CNTNAP5: variants seen among roughly 807,000 people sequenced by gnomAD.
CNTNAP5 encodes contactin-associated protein-like 5.
CNTNAP5 carries 72 observed loss-of-function variants against 150.2 expected under a neutral mutation model. The observed-to-expected ratio is 0.48, with a 90% CI of 0.40 to 0.58. CNTNAP5 has a LOEUF of 0.58. Ranked by LOEUF, CNTNAP5 falls within the 20% of genes least tolerant of loss-of-function variation. The pLI is 0.00. For synonymous variants in CNTNAP5, 672 were observed against 619.8 expected, an observed-to-expected ratio of 1.08 and a Z score of -1.25; for missense variants, 1,636 against 1,626.2, an observed-to-expected ratio of 1.01 and a Z score of -0.10.
chr2:124,807,945 C>T (rs1254468641), intron 19 of CNTNAP5, among the ~76,000 whole-genome samples: 2 of 152,158 alleles, frequency 1.3e-5, no homozygotes, highest in African/African-American at 4.8e-5. Context: ...CACAGATCTC[C>T]TGATATTTAG....
chr2:124,832,141 G>A (rs1405867308), intron 19 of CNTNAP5, among the ~76,000 whole-genome samples: 1 of 152,036 alleles, frequency 6.6e-6, no homozygotes, highest in African/African-American at 2.4e-5. Flanking sequence ...ATATAGAACT[G>A]TCTCTTCAGT....
chr2:124,436,515 G>A (rs1015011420), intron 5 of CNTNAP5, among the ~76,000 whole-genome samples: 15 of 152,186 alleles, frequency 9.9e-5, no homozygotes, highest in African/African-American at 3.6e-4. Flanking sequence ...AAAACCAAGA[G>A]CACTGTAAAT....
At chr2:124,436,101 T>C (rs964920700) in intron 5 of CNTNAP5, among the ~76,000 whole-genome samples, 5 of 152,202 alleles carry the variant, frequency 3.3e-5, no homozygotes, top group African/African-American at 1.2e-4. Context: ...ATCAGATGAA[T>C]GAAGTTGAAC....
chr2:124,539,159 C>G (rs570971117), intron 10 of CNTNAP5, among the ~76,000 whole-genome samples: 1 of 152,146 alleles, frequency 6.6e-6, no homozygotes, highest in African/African-American at 2.4e-5. Flanking sequence ...CAGGTCTGAC[C>G]TGCAGTAAAA....
Position 124,140,069 on chromosome 2 carries a change from C to T in CNTNAP5, c.83-81636C>T, listed in dbSNP as rs553712422. On this transcript the variant is annotated intron_variant, in intron 1 of 23. Transcript: ENST00000682447. ...TCGGGTCACTCCCACCCGAATATTG[C>T]GCTTTTCAGACCGGCTTAAAAAACG... Among the ~76,000 whole-genome samples, 171 of 152,124 alleles carry T rather than the reference C, an allele frequency of 1.1e-3. 2 individuals are homozygous for T. Among genetic ancestry groups the T allele is most frequent in the Admixed American group, 1.4e-3 (22 of 15,282 alleles).
intron 10 of CNTNAP5, among the ~76,000 whole-genome samples, chr2:124,538,809 A>G (rs538864987): frequency 6.6e-6 from 1 of 152,324 alleles, no homozygotes; most frequent in East Asian, 1.9e-4. Context: ...AGCAGAGAAC[A>G]TTCATAAATT....
chr2:124,095,822 G>A (rs1682922653), intron 1 of CNTNAP5, among the ~76,000 whole-genome samples: 1 of 151,896 alleles, frequency 6.6e-6, no homozygotes, highest in African/African-American at 2.4e-5. Context: ...TTTATTGAAT[G>A]CACAATGTAT....
intron 19 of CNTNAP5, among the ~76,000 whole-genome samples, chr2:124,837,411 T>C (rs1573650768): frequency 6.6e-6 from 1 of 152,220 alleles, no homozygotes; most frequent in East Asian, 1.9e-4. Flanking sequence ...ACTATAATTC[T>C]CAGTTAATTT....
chr2:124,833,726 G>A (rs893115109), intron 19 of CNTNAP5, among the ~76,000 whole-genome samples: 44 of 152,084 alleles, frequency 2.9e-4, no homozygotes, highest in African/African-American at 1.0e-3. Context: ...AATCACATCA[G>A]GGTTTCAATT....
chr2:124,516,828 T>A (rs1361396917), intron 8 of CNTNAP5, among the ~76,000 whole-genome samples: 1 of 152,162 alleles, frequency 6.6e-6, no homozygotes, highest in Non-Finnish European at 1.5e-5. Flanking sequence ...CAAAGATCTG[T>A]TAGAAATTTT....
intron 10 of CNTNAP5, among the ~76,000 whole-genome samples, chr2:124,545,778 T>C (rs1695498064): frequency 6.6e-6 from 1 of 152,056 alleles, no homozygotes; most frequent in African/African-American, 2.4e-5. Flanking sequence ...AAGCTAAGGA[T>C]GGGTTACAAA....
At chr2:124,879,514 G>T (rs1677926023) in intron 21 of CNTNAP5, among the ~76,000 whole-genome samples, 1 of 152,070 alleles carries the variant, frequency 6.6e-6, no homozygotes, top group Admixed American at 6.6e-5. Context: ...GGAAATGAAT[G>T]GGTTGGGAGT....
intron 1 of CNTNAP5, among the ~76,000 whole-genome samples, chr2:124,146,273 A>G (rs1684252704): frequency 6.6e-6 from 1 of 152,184 alleles, no homozygotes; most frequent in Non-Finnish European, 1.5e-5. Flanking sequence ...TCATGCTGCT[A>G]AACTTAGTTC....
At chr2:124,089,272 T>A (rs1357155135) in intron 1 of CNTNAP5, among the ~76,000 whole-genome samples, 1 of 127,744 alleles carries the variant, frequency 7.8e-6, no homozygotes, top group African/African-American at 2.8e-5. Context: ...AGACCCCACC[T>A]ATTTTTTTTT....
intron 1 of CNTNAP5, among the ~76,000 whole-genome samples, chr2:124,089,296 G>T (rs562154923): frequency 1.2e-4 from 18 of 151,014 alleles, no homozygotes; most frequent in Admixed American, 1.1e-3. Flanking sequence ...AAGTACAAAA[G>T]AAGAAAAATA....
chr2:124,190,610 G>A (rs935160944), intron 1 of CNTNAP5, among the ~76,000 whole-genome samples: 5 of 152,054 alleles, frequency 3.3e-5, no homozygotes, highest in Admixed American at 3.3e-4. Context: ...TATGATCCTA[G>A]AAAAAAGATA....
chr2:124,249,797 T>C (rs1024089886), intron 3 of CNTNAP5, among the ~76,000 whole-genome samples: 3 of 152,190 alleles, frequency 2.0e-5, no homozygotes, highest in Admixed American at 6.6e-5. Context: ...TTGACTCTTT[T>C]CATCGACAAG....
intron 1 of CNTNAP5, among the ~76,000 whole-genome samples, chr2:124,081,796 A>G (rs931359895): frequency 1.9e-4 from 29 of 152,220 alleles, no homozygotes; most frequent in Non-Finnish European, 3.7e-4. Context: ...GTAGATTCAC[A>G]CGCGGTTGTA....
At chr2:124,706,940 AAGGAGGAGGAGGAGGAGGAGGAGG>A (rs368704738) in intron 13 of CNTNAP5, among the ~76,000 whole-genome samples, 1 of 18,174 alleles carries the variant, frequency 5.5e-5, no homozygotes, top group African/African-American at 1.6e-4. Flanking sequence ...GAAGAAGAAG[AAGGAGGAGGAGGAGGAGGAGGAGG>A]AGAAGAGGAA....
Sources: allele counts gnomAD v4.1 joint callset (sites outside exome capture counted in the v4.1 genomes callset), GRCh38; gene constraint gnomAD v4.1.1; transcripts MANE v1.5; gene names NCBI Gene and HGNC (gene_info 2026-07-23, HGNC 2026-07-21).